The following MROH1 variants were observed in gnomAD, a reference collection of about 807,000 sequenced individuals.
The protein encoded by MROH1 is maestro heat-like repeat-containing protein family member 1.
MROH1 carries 117 observed loss-of-function variants against 116.5 expected under a neutral mutation model. The ratio of observed to expected loss-of-function variants is 1.00; its 90% CI spans 0.86 to 1.17. The LOEUF is 1.17. Ranked by LOEUF, MROH1 falls within the 50% of genes most tolerant of loss-of-function variation. MROH1 has a pLI of 0.00. For missense variants in MROH1, 1,873 were observed against 1,338.5 expected (o/e 1.40, Z -6.23); for synonymous variants, 921 against 583.9 (o/e 1.58, Z -8.32).
Position 144,179,496 on chromosome 8 carries a change from G to C in MROH1, c.210G>C (p.Glu70Asp). The part of the protein sequence containing the change: ...PYRAAVLRAM[E>D]RVLSSRASEL... Reference sequence around the variant, plus strand: ...GAGCAGCGGTCCTGAGGGCCATGGAGAGGGTCCTGAGCAGTCGCGCCAGTG... The same window carrying C: ...GAGCAGCGGTCCTGAGGGCCATGGACAGGGTCCTGAGCAGTCGCGCCAGTG... Residue 70 changes from glutamate to aspartate, a missense_variant, in exon 5 of 44, where the codon GAG (glutamate) becomes GAC (aspartate). Physicochemically the swap from Glu to Asp is conservative, Grantham distance 45. Transcript: ENST00000326134. 6.2e-7 allele frequency: 1 copy of C among 1,613,632 alleles called. No homozygotes were observed. The highest frequency in any genetic ancestry group is 8.5e-7 in the Non-Finnish European group (1 of 1,179,832).
intron 10 of MROH1, 104 bp from the exon 11 acceptor site, chr8:144,199,018 C>T (rs1830517061): frequency 1.8e-6 from 2 of 1,097,312 alleles, no homozygotes; most frequent in African/African-American, 1.6e-5. Flanking sequence ...GGGGTGGAAA[C>T]CCAGAGCCTT....
intron 19 of MROH1, 30 bp downstream of exon 19, chr8:144,240,183 C>G (rs1840727384): frequency 1.3e-6 from 1 of 760,542 alleles, no homozygotes; most frequent in East Asian, 2.5e-5. Flanking sequence ...CCATCCTGGG[C>G]CTTAAGGTGT....
chr8:144,240,449 G>A (rs1196613870), intron 19 of MROH1, 121 bp from the exon 20 acceptor site: 36 of 697,954 alleles, frequency 5.2e-5, no homozygotes, highest in South Asian at 3.0e-5. Context: ...TGCCGCCCCC[G>A]GCCTCCGCTG....
Position 144,163,031 on chromosome 8 carries a change from A to G in MROH1, c.-56-740A>G, listed in dbSNP as rs193052122. Among the ~76,000 whole-genome samples the G allele has an allele frequency of 1.4e-4, 22 of 152,238 alleles. No individual in the cohort carries two copies. The highest frequency in any genetic ancestry group is 4.8e-4 in the African/African-American group (20 of 41,548). Reference sequence around the variant, plus strand: ...GCCATCGCTCTTGGCCAAGATTTCTATGATTTCTTACTTCGCCTCCAACCC... The same window carrying G: ...GCCATCGCTCTTGGCCAAGATTTCTGTGATTTCTTACTTCGCCTCCAACCC... On this transcript the variant is annotated intron_variant, in intron 2 of 43. Transcript: ENST00000326134. This position sits in a 1 kb window ranked among gnomAD's most constrained non-coding sequence, Gnocchi z 4.4.
chr8:144,191,263 T>G (rs1828516845), intron 8 of MROH1, among the ~76,000 whole-genome samples: 1 of 152,152 alleles, frequency 6.6e-6, no homozygotes, highest in Non-Finnish European at 1.5e-5. Context: ...AGAGATGAGG[T>G]TTCGCCATGT....
chr8:144,227,543 G>C (rs985612879), intron 14 of MROH1, among the ~76,000 whole-genome samples: 1 of 152,170 alleles, frequency 6.6e-6, no homozygotes, highest in African/African-American at 2.4e-5. Flanking sequence ...TACTCTGGAG[G>C]CTGAGGCAGG....
At chr8:144,235,399 T>C (rs1839883909) in intron 14 of MROH1, among the ~76,000 whole-genome samples, 1 of 152,250 alleles carries the variant, frequency 6.6e-6, no homozygotes, top group African/African-American at 2.4e-5. Flanking sequence ...TACTGTTGAA[T>C]AAAATCGGTG....
intron 1 of MROH1, among the ~76,000 whole-genome samples, chr8:144,154,172 C>T (rs1343916197): frequency 6.6e-6 from 1 of 152,126 alleles, no homozygotes; most frequent in Non-Finnish European, 1.5e-5. Context: ...TCAAGCCATT[C>T]TCCTGCCTCA....
intron 7 of MROH1, among the ~76,000 whole-genome samples, chr8:144,188,404 AG>A (rs1173250093): frequency 6.8e-6 from 1 of 146,774 alleles, no homozygotes. Flanking sequence ...GCTTCAGCCC[AG>A]GGGGGCCTCA....
rs546466887 is a variant in MROH1 at position 144,164,779 on chromosome 8, CT to C, written c.22+932del. ...TAGCAGTTTTCAAAGGCTGTTCAGG[CT>C]GCTGTAACAAAATATCTTAGATTGG... On this transcript the variant is annotated intron_variant, in intron 3 of 43. Coordinates refer to ENST00000326134, the MANE Select transcript of MROH1 (RefSeq NM_032450.3). Among the ~76,000 whole-genome samples, 451 of 152,230 alleles carry C rather than the reference CT, an allele frequency of 3.0e-3. 1 individual carries two copies. Among genetic ancestry groups the C allele is most frequent in the African/African-American group, 0.01 (433 of 41,526 alleles).
rs553337312 is a variant in MROH1 at position 144,169,803 on chromosome 8, C to T, written c.168+1363C>T. ...GACTACAGGTGTGCACCACCACACA[C>T]GGCTAATTTTGTATTTTTATTTTTA... On this transcript the variant is annotated intron_variant, in intron 4 of 43. Coordinates refer to ENST00000326134, the MANE Select transcript of MROH1 (RefSeq NM_032450.3). Among the ~76,000 whole-genome samples, 646 of 147,246 alleles carry T rather than the reference C, an allele frequency of 4.4e-3. 2 individuals are homozygous for T. The highest frequency in any genetic ancestry group is 7.2e-3 in the Middle Eastern group (2 of 278).
At chr8:144,230,977 C>T (rs1163695299) in intron 14 of MROH1, among the ~76,000 whole-genome samples, 1 of 141,212 alleles carries the variant, frequency 7.1e-6, no homozygotes, top group African/African-American at 2.7e-5. Context: ...GTTTGTGTCC[C>T]TGGGTACTTG....
chr8:144,232,040 AATT>A (rs1838986940), intron 14 of MROH1, among the ~76,000 whole-genome samples: 2 of 152,314 alleles, frequency 1.3e-5, no homozygotes, highest in South Asian at 4.1e-4. Flanking sequence ...GAAGCATTCT[AATT>A]ATTCCTTTCT....
chr8:144,223,319 G>A, intron 14 of MROH1, 89 bp downstream of exon 14: 1 of 1,493,562 alleles, frequency 6.7e-7, no homozygotes, highest in Middle Eastern at 2.3e-4. Context: ...TGGCCCAGCA[G>A]AGGGTGGATA....
intron 15 of MROH1, 27 bp from the exon 16 acceptor site, chr8:144,239,008 T>C (rs1217737132): frequency 2.6e-6 from 2 of 776,372 alleles, no homozygotes; most frequent in East Asian, 4.8e-5. Flanking sequence ...TCTGGGCGGA[T>C]GCAGACCAGG....
In MROH1 at chr8:144,243,477, G is replaced by GCCCTGCGT. The variant is rs1191937454; in HGVS notation, c.2353-10_2353-3dup. The GCCCTGCGT allele has an allele frequency of 1.3e-6, 1 of 778,552 alleles. No individual in the cohort carries two copies. Among genetic ancestry groups the GCCCTGCGT allele is most frequent in the Non-Finnish European group, 2.4e-6 (1 of 417,800 alleles). The allele number at this position is 778,552 out of a possible 1,614,324, so 48.2% of individuals were successfully genotyped here. On this transcript the variant is annotated splice_polypyrimidine_tract_variant and intron_variant, in intron 24 of 43. Transcript: ENST00000326134. The stretch of plus-strand genomic sequence containing the variant: ...AGGGCGGGCGTGGGCGTCTCCTGTA[G>GCCCTGCGT]CCCTGCGTCCCTGCAGGACCCAGCC...
At chr8:144,200,652 C>A in intron 12 of MROH1, 111 bp downstream of exon 12, 2 of 788,976 alleles carry the variant, frequency 2.5e-6, no homozygotes, top group South Asian at 1.6e-5. Flanking sequence ...TTTGAATTCT[C>A]TAGAAAGATT....
rs572361182 is a variant in MROH1 at position 144,226,066 on chromosome 8, C to A, written c.1338+2836C>A. ...GGTAGCTGGGATTGCAGACGTGCAC[C>A]ACCACGCCAGGCTAATTTTTGTATT... is the stretch of plus-strand genomic sequence containing the variant. On this transcript the variant is annotated intron_variant, in intron 14 of 43. Coordinates refer to ENST00000326134, the MANE Select transcript of MROH1 (RefSeq NM_032450.3). 2.0e-5 allele frequency among the ~76,000 whole-genome samples: 3 copies of A among 151,394 alleles called. No homozygotes were observed. In the South Asian group the frequency reaches 6.3e-4, roughly 32 times the overall value.
intron 12 of MROH1, chr8:144,213,102 C>A (rs201651665): frequency 1.3e-6 from 1 of 775,872 alleles, no homozygotes; most frequent in Admixed American, 1.7e-5. Flanking sequence ...CTAACGGCCG[C>A]GCCCGCGTCT....
Sources: allele counts gnomAD v4.1 joint callset (sites outside exome capture counted in the v4.1 genomes callset), GRCh38; gene constraint gnomAD v4.1.1; non-coding constraint Gnocchi (gnomAD v3.1); transcripts MANE v1.5; gene names NCBI Gene and HGNC (gene_info 2026-07-23, HGNC 2026-07-21).